The following CEP70 variants were observed in gnomAD, a reference collection of about 807,000 sequenced individuals.
The protein encoded by CEP70 is centrosomal protein 70, also known as centrosomal protein of 70 kDa.
A neutral mutation model predicts 90.9 loss-of-function variants in CEP70; 70 were observed. That is an observed-to-expected ratio of 0.77 (90% CI 0.64 to 0.94). The LOEUF (loss-of-function observed/expected upper bound fraction) is 0.94. Ranked by LOEUF, CEP70 falls within the 40% of genes least tolerant of loss-of-function variation. The pLI is 0.00. For missense variants in CEP70, 648 were observed against 669.0 expected (o/e 0.97, Z 0.35); for synonymous variants, 220 against 228.3 (o/e 0.96, Z 0.33).
chr3:138,551,011 G>C (rs941512935), intron 6 of CEP70, among the ~76,000 whole-genome samples: 1 of 152,108 alleles, frequency 6.6e-6, no homozygotes, highest in Non-Finnish European at 1.5e-5. Context: ...AAATACAAGA[G>C]GCTCAAAGAA....
chr3:138,505,450 T>G lies in CEP70; in HGVS notation c.1066A>C (p.Asn356His). ...GCTCTTGGATTGTGGATAATTGAAT[T>G]GATGCTACACAGCACCTTTAAAAAA... The part of the protein sequence containing the change: ...QRYFQVLCSI[N>H]SIIHNPRAPV... The change falls in exon 13 of 18, where the codon AAT becomes CAT. Residue 356 changes from asparagine (N) to histidine (H), a missense_variant. By Grantham distance (68) the Asn-to-His change is moderately conservative. Transcript: ENST00000264982. 6.2e-7 allele frequency: 1 copy of G among 1,604,414 alleles called. No individual in the cohort carries two copies. The highest frequency in any genetic ancestry group is 8.5e-7 in the Non-Finnish European group (1 of 1,176,580).
At chr3:138,537,690 T>C (rs1429175874) in intron 6 of CEP70, among the ~76,000 whole-genome samples, 5 of 152,128 alleles carry the variant, frequency 3.3e-5, no homozygotes, top group African/African-American at 1.2e-4. Flanking sequence ...AAAGAATCAA[T>C]ATTAATTGGG....
At chr3:138,553,895 A>G (rs749145372) in intron 6 of CEP70, among the ~76,000 whole-genome samples, 29 of 152,152 alleles carry the variant, frequency 1.9e-4, no homozygotes, top group Non-Finnish European at 3.8e-4. Flanking sequence ...AAACTCAGAA[A>G]AAGCATTTAA....
In CEP70 at chr3:138,532,547, T is replaced by A; in HGVS notation, c.659A>T (p.Tyr220Phe). The part of the protein sequence containing the change: ...DRQLLCLIDY[Y>F]ESKIRKIHTQ... ...ATGAATTTTTCTAATTTTAGATTCA[T>A]AGTAATCAATTAGACAAAGCAACCT... The change falls in exon 8 of 18, where the codon TAT becomes TTT. Residue 220 changes from tyrosine to phenylalanine, a missense_variant. Tyr to Phe is a conservative substitution (Grantham distance 22, BLOSUM62 3). Transcript: ENST00000264982. 1 of 1,510,064 alleles carries A rather than the reference T, an allele frequency of 6.6e-7. No homozygotes were observed. The highest frequency in any genetic ancestry group is 2.5e-5 in the East Asian group (1 of 39,812). The allele number at this position is 1,510,064 out of a possible 1,614,324, so 93.5% of individuals were successfully genotyped here.
At chr3:138,584,756 T>TA (rs550332869) in intron 2 of CEP70, among the ~76,000 whole-genome samples, 78 of 147,136 alleles carry the variant, frequency 5.3e-4, no homozygotes, top group South Asian at 3.2e-3. Flanking sequence ...CTTCATGATT[T>TA]AAAAAAAAAA....
In CEP70 at chr3:138,553,230, A is replaced by G. The variant is rs956553319; in HGVS notation, c.466-15883T>C. 3.3e-4 allele frequency among the ~76,000 whole-genome samples: 50 copies of G among 152,276 alleles called. 1 individual carries two copies. Among genetic ancestry groups the G allele is most frequent in the African/African-American group, 1.0e-3 (42 of 41,560 alleles). ...CACGATGGCTCACGCCTGTAATCCT[A>G]GCACTTTGGGAGGCCAAGGTGGGTG... On this transcript the variant is annotated intron_variant, in intron 6 of 17. Transcript: ENST00000264982.
chr3:138,582,989 T>C (rs1036903839), intron 2 of CEP70, among the ~76,000 whole-genome samples: 11 of 152,076 alleles, frequency 7.2e-5, no homozygotes, highest in Non-Finnish European at 1.6e-4. Flanking sequence ...AAAATGACAG[T>C]AGTAAGTCCC....
intron 6 of CEP70, among the ~76,000 whole-genome samples, chr3:138,569,116 TGCCCCAA>T (rs1482396342): frequency 2.0e-5 from 3 of 152,206 alleles, no homozygotes; most frequent in Non-Finnish European, 4.4e-5. Flanking sequence ...TACTACTGCC[TGCCCCAA>T]GCTGGCACAT....
chr3:138,497,118 C>A lies in CEP70; in HGVS notation c.1732+913G>T, dbSNP rs2034006294. On this transcript the variant is annotated intron_variant, in intron 17 of 17. Coordinates refer to ENST00000264982, the MANE Select transcript of CEP70 (RefSeq NM_024491.4). The stretch of plus-strand genomic sequence containing the variant: ...TTTCACTTGCTGTGATCTTTTTAAA[C>A]ATGAGGACAAGCCTAAAGCAAGCTC... 4 of 1,057,798 alleles carry A rather than the reference C, an allele frequency of 3.8e-6. No homozygotes were observed. In the South Asian group the frequency reaches 1.2e-4, roughly 32 times the overall value. The allele number at this position is 1,057,798 out of a possible 1,614,324, so 65.5% of individuals were successfully genotyped here.
intron 2 of CEP70, among the ~76,000 whole-genome samples, chr3:138,588,423 T>C (rs1301974918): frequency 6.6e-6 from 1 of 152,076 alleles, no homozygotes; most frequent in African/African-American, 2.4e-5. Flanking sequence ...AACTTAAAAA[T>C]GGTCAAAAAA....
chr3:138,494,851 A>G lies in CEP70; in HGVS notation c.*164T>C. The G allele has an allele frequency of 2.0e-6, 1 of 510,610 alleles. No homozygotes were observed. Among genetic ancestry groups the G allele is most frequent in the Non-Finnish European group, 3.5e-6 (1 of 286,604 alleles). The allele number at this position is 510,610 out of a possible 1,614,324, so 31.6% of individuals were successfully genotyped here. ...AACTATTTTCTGTATAAGAATCTCA[A>G]AGTTAATAAAAATTATACAGATGAA... is the stretch of plus-strand genomic sequence containing the variant. On this transcript the variant is annotated 3_prime_UTR_variant, in exon 18 of 18. Coordinates refer to ENST00000264982, the MANE Select transcript of CEP70 (RefSeq NM_024491.4).
At chr3:138,554,157 T>C (rs1009813305) in intron 6 of CEP70, among the ~76,000 whole-genome samples, 2 of 150,206 alleles carry the variant, frequency 1.3e-5, no homozygotes, top group African/African-American at 4.9e-5. Context: ...GCCAAGATCA[T>C]GCCACCGCAC....
At chr3:138,520,871 C>T (rs921138522) in intron 11 of CEP70, among the ~76,000 whole-genome samples, 1 of 152,280 alleles carries the variant, frequency 6.6e-6, no homozygotes, top group East Asian at 1.9e-4. Flanking sequence ...CAAGGCTGGA[C>T]TGTACTGCCG....
At chr3:138,591,204 C>G (rs2042365255) in intron 2 of CEP70, among the ~76,000 whole-genome samples, 2 of 152,122 alleles carry the variant, frequency 1.3e-5, no homozygotes, top group Non-Finnish European at 2.9e-5. Context: ...CCTTATGTGA[C>G]AGGTCACAGT....
intron 10 of CEP70, among the ~76,000 whole-genome samples, chr3:138,527,620 G>A (rs920544503): frequency 1.3e-5 from 2 of 151,074 alleles, no homozygotes; most frequent in African/African-American, 2.4e-5. Context: ...ACTTGAGCCC[G>A]GGAGGCAGAG....
intron 2 of CEP70, among the ~76,000 whole-genome samples, chr3:138,582,089 C>G (rs986762308): frequency 6.6e-6 from 1 of 152,050 alleles, no homozygotes; most frequent in Non-Finnish European, 1.5e-5. Context: ...ACCTGGCCTA[C>G]AAGAAATGCT....
chr3:138,517,859 G>A (rs904501699), intron 11 of CEP70, among the ~76,000 whole-genome samples: 15 of 152,160 alleles, frequency 9.9e-5, no homozygotes, highest in East Asian at 3.9e-4. Flanking sequence ...GCAGCGCACC[G>A]AGCGTGAGCC....
At chr3:138,516,432 C>A (rs2036033862) in intron 11 of CEP70, among the ~76,000 whole-genome samples, 1 of 152,114 alleles carries the variant, frequency 6.6e-6, no homozygotes, top group Non-Finnish European at 1.5e-5. Flanking sequence ...GTTGCCCAGG[C>A]TGGAGTGCAG....
Position 138,537,203 on chromosome 3 carries a change from C to T in CEP70, c.610G>A (p.Val204Ile), listed in dbSNP as rs147653800. ...NRVFAYLCKR[V>I]PHTVLDRQLL... ...TGTCTATCCAAGACGGTATGAGGAACTCTTTTGCACAGATAGGCAAACACT... is the reference window on the plus strand; with the variant it reads ...TGTCTATCCAAGACGGTATGAGGAATTCTTTTGCACAGATAGGCAAACACT... Residue 204 changes from valine to isoleucine, a missense_variant, in exon 7 of 18, where the codon GTT (valine) becomes ATT (isoleucine). Val to Ile is a conservative substitution (Grantham distance 29). Transcript: ENST00000264982. The T allele has an allele frequency of 5.1e-6, 8 of 1,570,926 alleles. No individual in the cohort carries two copies. The highest frequency in any genetic ancestry group is 1.2e-5 in the South Asian group (1 of 81,644).
Sources: allele counts gnomAD v4.1 joint callset (sites outside exome capture counted in the v4.1 genomes callset), GRCh38; gene constraint gnomAD v4.1.1; transcripts MANE v1.5; gene names NCBI Gene and HGNC (gene_info 2026-07-23, HGNC 2026-07-21).